The following ADGRD1 variants were observed in gnomAD, a reference collection of about 807,000 sequenced individuals.
ADGRD1 encodes adhesion G protein-coupled receptor D1.
A neutral mutation model predicts 113.4 loss-of-function variants in ADGRD1; 77 were observed. That is an observed-to-expected ratio of 0.68 (90% CI 0.57 to 0.82). The LOEUF (loss-of-function observed/expected upper bound fraction) is 0.82, where lower values mean the gene tolerates loss of function less well. Among genes scored for constraint, ADGRD1 ranks in the 40% least tolerant of loss-of-function variants. ADGRD1 has a pLI of 0.00. For synonymous variants in ADGRD1, 474 were observed against 475.0 expected (o/e 1.00, Z 0.03); for missense variants, 1,036 against 1,139.1 (o/e 0.91, Z 1.30).
intron 13 of ADGRD1, among the ~76,000 whole-genome samples, chr12:131,065,250 T>A (rs1884627755): frequency 6.6e-6 from 1 of 152,056 alleles, no homozygotes; most frequent in Non-Finnish European, 1.5e-5. Flanking sequence ...GAAAACGGAG[T>A]GACAGGGTGG....
At chr12:131,097,345 A>C (rs1887358839) in intron 15 of ADGRD1, among the ~76,000 whole-genome samples, 1 of 152,088 alleles carries the variant, frequency 6.6e-6, no homozygotes, top group African/African-American at 2.4e-5. Context: ...CATCTGTTCA[A>C]ACACACAGCA....
chr12:131,076,461 A>T (rs1039965688), intron 13 of ADGRD1, among the ~76,000 whole-genome samples: 2 of 151,868 alleles, frequency 1.3e-5, no homozygotes, highest in Non-Finnish European at 2.9e-5. Context: ...AGTGGGGAAG[A>T]GCCTGTGGCT....
At position 131,118,321 on chromosome 12, in the gene ADGRD1, G is replaced by A. The variant is rs374907070; in HGVS notation, c.2042-64G>A. ...AATGAAGAAAGGAAGGGAGGGATGG[G>A]GGAGGCGGGAGGGAGGGAAGAAAAC... is the stretch of plus-strand genomic sequence containing the variant. On this transcript the variant is annotated intron_variant, in intron 18 of 24. Transcript: ENST00000261654. The A allele has an allele frequency of 6.1e-6, 7 of 1,148,336 alleles. No individual in the cohort carries two copies. The African/African-American group carries it at 7.6e-5, about 13-fold the overall frequency. 71.1% of individuals were successfully genotyped at this position (1,148,336 alleles called of 1,614,324 possible).
At chr12:130,985,368 G>A (rs918646749) in intron 5 of ADGRD1, among the ~76,000 whole-genome samples, 6 of 152,172 alleles carry the variant, frequency 3.9e-5, no homozygotes, top group Admixed American at 6.5e-5. Flanking sequence ...TTGTAAGGAA[G>A]TCCAGCTTGT....
chr12:131,022,133 G>A lies in ADGRD1; in HGVS notation c.1473+7793G>A, dbSNP rs1879396925. ...TCACATTCTGAGGTCTTGGGGGTTAGGGCTTCAACAGGTGACTTTAGTGGG... is the reference window on the plus strand; with the variant it reads ...TCACATTCTGAGGTCTTGGGGGTTAAGGCTTCAACAGGTGACTTTAGTGGG... On this transcript the variant is annotated intron_variant, in intron 13 of 24. Coordinates refer to ENST00000261654, the MANE Select transcript of ADGRD1 (RefSeq NM_198827.5). This position sits in a 1 kb window ranked among gnomAD's most constrained non-coding sequence, Gnocchi z 4.6. Among the ~76,000 whole-genome samples, 1 of 152,176 alleles carries A rather than the reference G, an allele frequency of 6.6e-6. No homozygotes were observed. The highest frequency in any genetic ancestry group is 2.4e-5 in the African/African-American group (1 of 41,444).
intron 15 of ADGRD1, among the ~76,000 whole-genome samples, chr12:131,100,277 G>A (rs1025591968): frequency 6.6e-6 from 1 of 152,058 alleles, no homozygotes; most frequent in Non-Finnish European, 1.5e-5. Flanking sequence ...TTGATGGTGG[G>A]TTTGGCTGAT....
chr12:131,051,647 C>T (rs527451441), intron 13 of ADGRD1, among the ~76,000 whole-genome samples: 38 of 152,116 alleles, frequency 2.5e-4, no homozygotes, highest in African/African-American at 8.4e-4. Flanking sequence ...CCACGCCAGG[C>T]GAATTTTTTT....
At position 131,036,776 on chromosome 12, in the gene ADGRD1, C is replaced by T. The variant is rs374970488; in HGVS notation, c.1473+22436C>T. Among the ~76,000 whole-genome samples the T allele has an allele frequency of 2.1e-3, 285 of 132,868 alleles. 2 individuals are homozygous for T. The highest frequency in any genetic ancestry group is 0.012 in the Middle Eastern group (2 of 170). The allele number at this position is 132,868 out of a possible 152,430, so 87.2% of individuals were successfully genotyped here. ...CTGCACCGGGCCTCACTCACTGCAC[C>T]GGGCCTCACTCACGGCACTGGGTCT... On this transcript the variant is annotated intron_variant, in intron 13 of 24. Coordinates refer to ENST00000261654, the MANE Select transcript of ADGRD1 (RefSeq NM_198827.5).
rs570275366 is a variant in ADGRD1, at chr12:131,041,949, C to T, written c.1473+27609C>T. Among the ~76,000 whole-genome samples the T allele has an allele frequency of 5.9e-5, 9 of 152,124 alleles. No individual in the cohort carries two copies. The highest frequency in any genetic ancestry group is 2.1e-4 in the South Asian group (1 of 4,804). On this transcript the variant is annotated intron_variant, in intron 13 of 24. Transcript: ENST00000261654. The surrounding 1 kb of genome is among the most constrained non-coding windows in gnomAD (Gnocchi z 4.4). ...TCCGAGTCCCCCTGCGAGGAGAAGG[C>T]GCCGATGACCTAGGGTTCCTTCGCA...
At chr12:131,095,867 A>G (rs759711374) in intron 15 of ADGRD1, among the ~76,000 whole-genome samples, 8 of 152,204 alleles carry the variant, frequency 5.3e-5, no homozygotes, top group Non-Finnish European at 1.2e-4. Flanking sequence ...ACATACAGGA[A>G]GCTGGGGTGT....
At chr12:130,957,650 T>G (rs1869816221) in intron 2 of ADGRD1, 2 of 152,270 alleles carry the variant, frequency 1.3e-5, no homozygotes, top group South Asian at 4.1e-4. Context: ...AACTCAGTCT[T>G]TGTTCCATAT....
chr12:130,998,185 C>T lies in ADGRD1; in HGVS notation c.967-2198C>T, dbSNP rs138162489. On this transcript the variant is annotated intron_variant, in intron 8 of 24. Transcript: ENST00000261654. ...TGTGGAAAGAGAGGGAGAGGGAGAC[C>T]GTGGGGAGAGGGAGGGGGAGGGGGA... Among the ~76,000 whole-genome samples, 18 of 142,742 alleles carry T rather than the reference C, an allele frequency of 1.3e-4. No individual in the cohort carries two copies. In the East Asian group the frequency reaches 2.5e-3, roughly 20 times the overall value. 93.6% of individuals were successfully genotyped at this position (142,742 alleles called of 152,430 possible). A position where few individuals can be genotyped will look rare whatever the true frequency, so the allele number is the denominator to read the frequency against.
rs1218638153 is a variant in ADGRD1 at position 130,966,005 on chromosome 12, A to T, written c.104-458A>T. ...TGAAGTGAGGAAGTGCTTGTTAAGGACCTCAGTGTCTGGCATACCATTCAT... is the reference window on the plus strand; with the variant it reads ...TGAAGTGAGGAAGTGCTTGTTAAGGTCCTCAGTGTCTGGCATACCATTCAT... On this transcript the variant is annotated intron_variant, in intron 2 of 24. Transcript: ENST00000261654. This position sits in a 1 kb window ranked among gnomAD's most constrained non-coding sequence, Gnocchi z 4.6. Among the ~76,000 whole-genome samples the T allele has an allele frequency of 6.6e-6, 1 of 152,198 alleles. No homozygotes were observed. Among genetic ancestry groups the T allele is most frequent in the Non-Finnish European group, 1.5e-5 (1 of 68,030 alleles).
At chr12:131,085,595 T>A (rs184745692) in intron 15 of ADGRD1, among the ~76,000 whole-genome samples, 35 of 150,610 alleles carry the variant, frequency 2.3e-4, no homozygotes, top group African/African-American at 8.3e-4. Context: ...AAACCAGGAG[T>A]GGAAGGAGGT....
At chr12:131,126,993 G>A (rs118140833) in intron 20 of ADGRD1, among the ~76,000 whole-genome samples, 3,782 of 152,006 alleles carry the variant, frequency 0.025, 147 homozygotes, top group Non-Finnish European at 0.026. Context: ...GTCCCCCACC[G>A]CACCGATGCA....
At chr12:131,006,181 G>T in intron 12 of ADGRD1, 134 bp downstream of exon 12, 4 of 754,028 alleles carry the variant, frequency 5.3e-6, no homozygotes, top group Non-Finnish European at 4.5e-6. Flanking sequence ...TCACTGCTCG[G>T]GCAAGGAAAC....
chr12:131,136,941 C>A, intron 22 of ADGRD1, 32 bp from the exon 23 acceptor site: 2 of 1,580,138 alleles, frequency 1.3e-6, no homozygotes, highest in Non-Finnish European at 1.7e-6. Context: ...GCAAAGGGCT[C>A]TAATCTCTGC....
chr12:130,982,860 G>C (rs910692447), intron 5 of ADGRD1, among the ~76,000 whole-genome samples: 3 of 152,160 alleles, frequency 2.0e-5, no homozygotes, highest in Non-Finnish European at 4.4e-5. Flanking sequence ...GAAGGACTCA[G>C]GGTGGCATGG....
intron 13 of ADGRD1, among the ~76,000 whole-genome samples, chr12:131,040,070 C>G (rs1439363826): frequency 6.6e-6 from 1 of 152,200 alleles, no homozygotes; most frequent in Non-Finnish European, 1.5e-5. Flanking sequence ...CATGACCTTC[C>G]CGGCCCCTGT....
Sources: allele counts gnomAD v4.1 joint callset (sites outside exome capture counted in the v4.1 genomes callset), GRCh38; gene constraint gnomAD v4.1.1; non-coding constraint Gnocchi (gnomAD v3.1); transcripts MANE v1.5; gene names NCBI Gene and HGNC (gene_info 2026-07-23, HGNC 2026-07-21).